The following FGGY variants were observed in gnomAD, a reference collection of about 807,000 sequenced individuals.
The protein encoded by FGGY is FGGY carbohydrate kinase domain-containing protein.
A neutral mutation model predicts 71.3 loss-of-function variants in FGGY; 72 were observed. The observed-to-expected ratio is 1.01, with a 90% CI of 0.84 to 1.23. The LOEUF is 1.23. Among genes scored for constraint, FGGY ranks in the 50% most tolerant of loss-of-function variants. The pLI is 0.00. For missense variants in FGGY, 668 were observed against 682.3 expected (o/e 0.98, Z 0.23); for synonymous variants, 251 against 250.3 (o/e 1.00, Z -0.02).
chr1:59,388,309 C>T (rs1335475775), intron 5 of FGGY, among the ~76,000 whole-genome samples: 3 of 152,144 alleles, frequency 2.0e-5, no homozygotes, highest in South Asian at 4.1e-4. Flanking sequence ...ATTATTATCA[C>T]CTTTTCTTTA....
At chr1:59,707,633 T>C (rs1014859888) in intron 14 of FGGY, among the ~76,000 whole-genome samples, 6 of 152,220 alleles carry the variant, frequency 3.9e-5, no homozygotes, top group African/African-American at 1.4e-4. Flanking sequence ...AACAGCCCAC[T>C]GTATTCCTTC....
chr1:59,504,202 C>T (rs1269402982), intron 6 of FGGY, among the ~76,000 whole-genome samples: 1 of 138,206 alleles, frequency 7.2e-6, no homozygotes. Context: ...GGAAGCTCTG[C>T]GCCCCTTCCC....
At chr1:59,611,009 G>T (rs760336790) in intron 9 of FGGY, among the ~76,000 whole-genome samples, 4 of 152,208 alleles carry the variant, frequency 2.6e-5, no homozygotes, top group Admixed American at 2.0e-4. Context: ...AAACAAAGTG[G>T]CCTGGAAGCT....
At position 59,723,019 on chromosome 1, in the gene FGGY, A is replaced by G. The variant is rs546644365; in HGVS notation, c.1513-34912A>G. On this transcript the variant is annotated intron_variant, in intron 14 of 15. Coordinates refer to ENST00000303721, the MANE Select transcript of FGGY (RefSeq NM_018291.5). ...TCACCATGTTAGCCAGGATGGTCTC[A>G]ATCTCCTGACCTCGTGATCCACCCA... Among the ~76,000 whole-genome samples the G allele has an allele frequency of 3.0e-4, 46 of 152,072 alleles. No individual in the cohort carries two copies. The South Asian group carries it at 9.4e-3, about 31-fold the overall frequency.
rs113737858 is a variant in FGGY, at chr1:59,604,853, C to A, written c.904-2950C>A. Among the ~76,000 whole-genome samples the A allele has an allele frequency of 2.6e-3, 396 of 152,252 alleles. 4 individuals carry two copies. The highest frequency in any genetic ancestry group is 9.0e-3 in the African/African-American group (376 of 41,552). On this transcript the variant is annotated intron_variant, in intron 8 of 15. Coordinates refer to ENST00000303721, the MANE Select transcript of FGGY (RefSeq NM_018291.5). ...GGCTTTGGCTCTACCTGTGCAAACC[C>A]TGGGTCCTAAGTGGTAATGAATATG...
chr1:59,306,057 A>T (rs561072364), intron 1 of FGGY, among the ~76,000 whole-genome samples: 25 of 152,266 alleles, frequency 1.6e-4, no homozygotes, highest in African/African-American at 5.5e-4. Flanking sequence ...TGAAGGACTT[A>T]TCTCATTTTT....
At position 59,744,834 on chromosome 1, in the gene FGGY, A is replaced by G. The variant is rs183196769; in HGVS notation, c.1513-13097A>G. Among the ~76,000 whole-genome samples the G allele has an allele frequency of 2.1e-3, 316 of 152,338 alleles. 3 individuals carry two copies. Among genetic ancestry groups the G allele is most frequent in the African/African-American group, 6.4e-3 (268 of 41,582 alleles). On this transcript the variant is annotated intron_variant, in intron 14 of 15. Transcript: ENST00000303721. ...GAAAGTTAATGGCTTCTACCCTTTG[A>G]CATCTCACAGTCCAGTGGGGAGACG...
chr1:59,313,555 T>G (rs1570154597), intron 1 of FGGY, among the ~76,000 whole-genome samples: 1 of 151,980 alleles, frequency 6.6e-6, no homozygotes, highest in African/African-American at 2.4e-5. Flanking sequence ...GTAAAGAAAC[T>G]GTGATATATG....
At chr1:59,486,525 T>C (rs2093662932) in intron 6 of FGGY, among the ~76,000 whole-genome samples, 2 of 152,144 alleles carry the variant, frequency 1.3e-5, no homozygotes, top group Non-Finnish European at 2.9e-5. Context: ...GAAGTTAGGC[T>C]CTTCCCCCTT....
At chr1:59,395,619 A>C (rs1240182694) in intron 5 of FGGY, among the ~76,000 whole-genome samples, 1 of 152,202 alleles carries the variant, frequency 6.6e-6, no homozygotes, top group Non-Finnish European at 1.5e-5. Flanking sequence ...TAGTGCTTGT[A>C]TTTTATGCTT....
At chr1:59,730,086 G>A (rs1573776870) in intron 14 of FGGY, among the ~76,000 whole-genome samples, 1 of 152,122 alleles carries the variant, frequency 6.6e-6, no homozygotes, top group East Asian at 1.9e-4. Context: ...ACCCTCAGGA[G>A]TTGCTCGCTT....
chr1:59,354,029 C>T (rs1002919369), intron 4 of FGGY, among the ~76,000 whole-genome samples: 1 of 152,148 alleles, frequency 6.6e-6, no homozygotes, highest in Non-Finnish European at 1.5e-5. Flanking sequence ...GCATTTTACC[C>T]ATGATAATTC....
intron 12 of FGGY, among the ~76,000 whole-genome samples, chr1:59,664,150 C>G (rs2097302594): frequency 6.6e-6 from 1 of 152,214 alleles, no homozygotes; most frequent in South Asian, 2.1e-4. Flanking sequence ...TTTGAAGTCT[C>G]TTGATTTGCA....
chr1:59,632,834 G>A (rs1187983849), intron 10 of FGGY, among the ~76,000 whole-genome samples: 1 of 152,048 alleles, frequency 6.6e-6, no homozygotes, highest in Non-Finnish European at 1.5e-5. Flanking sequence ...GGGGTGTTGA[G>A]TCTATCACTG....
intron 5 of FGGY, among the ~76,000 whole-genome samples, chr1:59,402,148 G>A (rs998101906): frequency 1.3e-5 from 2 of 152,202 alleles, no homozygotes; most frequent in African/African-American, 4.8e-5. Flanking sequence ...GGTGAAGTCA[G>A]GACATGATGG....
At chr1:59,661,253 C>T (rs2097271251) in intron 12 of FGGY, among the ~76,000 whole-genome samples, 2 of 152,170 alleles carry the variant, frequency 1.3e-5, no homozygotes, top group Admixed American at 1.3e-4. Flanking sequence ...ATTCACACCA[C>T]CAACAGAAGT....
At chr1:59,635,549 CA>C (rs34529086) in intron 10 of FGGY, among the ~76,000 whole-genome samples, 63,134 of 130,950 alleles carry the variant, frequency 0.48, 13,299 homozygotes, top group Middle Eastern at 0.56. Context: ...CATGCGTTTC[CA>C]AAAAAAAAAA....
At chr1:59,682,456 A>G (rs1357662392) in intron 14 of FGGY, among the ~76,000 whole-genome samples, 2 of 152,248 alleles carry the variant, frequency 1.3e-5, no homozygotes, top group African/African-American at 4.8e-5. Context: ...ACAAAATTGC[A>G]GTCATAGAGA....
chr1:59,297,295 T>G (rs1352314801), intron 1 of FGGY, 145 bp downstream of exon 1: 1 of 152,324 alleles, frequency 6.6e-6, no homozygotes, highest in African/African-American at 2.4e-5. Flanking sequence ...CTTTCTCTCC[T>G]CCCCTTACCC....
Sources: gnomAD v4.1 joint callset for allele counts (sites outside exome capture counted in the v4.1 genomes callset) on GRCh38, gnomAD v4.1.1 for gene constraint, MANE v1.5 for transcripts, NCBI Gene and HGNC (gene_info 2026-07-23, HGNC 2026-07-21) for gene names.